The following SKAP1 variants were observed in gnomAD, a reference collection of about 807,000 sequenced individuals.
SKAP1 encodes the protein src kinase associated phosphoprotein 1.
SKAP1 carries 44 observed loss-of-function variants against 58.5 expected under a neutral mutation model. That is an observed-to-expected ratio of 0.75 (90% CI 0.59 to 0.97). The LOEUF is 0.97. Among genes scored for constraint, SKAP1 ranks in the 50% least tolerant of loss-of-function variants. SKAP1 has a pLI of 0.00. For synonymous variants in SKAP1, 127 were observed against 149.7 expected (o/e 0.85, Z 1.11); for missense variants, 390 against 435.2 (o/e 0.90, Z 0.92).
chr17:48,232,026 C>T (rs1170502571), intron 4 of SKAP1: 3 of 152,276 alleles, frequency 2.0e-5, no homozygotes, highest in Non-Finnish European at 1.5e-5. Flanking sequence ...GAACAGATCT[C>T]TCCTTCCTGG....
At chr17:48,137,967 A>T (rs1322949915) in intron 11 of SKAP1, among the ~76,000 whole-genome samples, 1 of 152,208 alleles carries the variant, frequency 6.6e-6, no homozygotes, top group Admixed American at 6.5e-5. Flanking sequence ...CTGAAGTAAA[A>T]ACAACTGAAA....
At chr17:48,234,031 T>C (rs915008181) in intron 4 of SKAP1, among the ~76,000 whole-genome samples, 1 of 152,238 alleles carries the variant, frequency 6.6e-6, no homozygotes. Flanking sequence ...AGTACATGAC[T>C]TCTTACTCAA....
chr17:48,149,944 T>A (rs556080471), intron 11 of SKAP1, among the ~76,000 whole-genome samples: 1 of 152,318 alleles, frequency 6.6e-6, no homozygotes, highest in Non-Finnish European at 1.5e-5. Context: ...TTTTACTACT[T>A]TCACCCTCCT....
chr17:48,369,355 G>T (rs1016601859), intron 2 of SKAP1, among the ~76,000 whole-genome samples: 1 of 151,590 alleles, frequency 6.6e-6, no homozygotes, highest in Admixed American at 6.6e-5. Flanking sequence ...GCTGGGTGTG[G>T]TGGTGTGCAC....
At chr17:48,261,879 G>GA (rs34097342) in intron 4 of SKAP1, among the ~76,000 whole-genome samples, 103,113 of 151,972 alleles carry the variant, frequency 0.68, 35,022 homozygotes, top group South Asian at 0.76. Flanking sequence ...AAGCTCCCCT[G>GA]AGAGAGAAAA....
intron 3 of SKAP1, among the ~76,000 whole-genome samples, chr17:48,356,052 C>T (rs34466582): frequency 0.2 from 30,146 of 151,470 alleles, 3,058 homozygotes; most frequent in Non-Finnish European, 0.22. Context: ...CCCAAAATTT[C>T]GATACCAGCC....
chr17:48,391,339 G>A (rs1156845881), intron 2 of SKAP1, among the ~76,000 whole-genome samples: 3 of 152,104 alleles, frequency 2.0e-5, no homozygotes, highest in Non-Finnish European at 2.9e-5. Flanking sequence ...AAGCTATTTT[G>A]AAAGGACAGA....
chr17:48,221,751 C>T (rs1191982743), intron 4 of SKAP1, among the ~76,000 whole-genome samples: 1 of 152,210 alleles, frequency 6.6e-6, no homozygotes, highest in Non-Finnish European at 1.5e-5. Flanking sequence ...ACAAGGTTGC[C>T]TGCAGTCTCT....
At chr17:48,227,541 A>G (rs185850538) in intron 4 of SKAP1, among the ~76,000 whole-genome samples, 2 of 152,354 alleles carry the variant, frequency 1.3e-5, no homozygotes, top group Admixed American at 6.5e-5. Flanking sequence ...TTGAGCACTA[A>G]CACCTTGTGT....
At chr17:48,414,464 G>A (rs991612340) in intron 1 of SKAP1, among the ~76,000 whole-genome samples, 6 of 152,140 alleles carry the variant, frequency 3.9e-5, no homozygotes, top group African/African-American at 1.4e-4. Flanking sequence ...GAGAAGGGTG[G>A]TGAAAGATTA....
intron 4 of SKAP1, among the ~76,000 whole-genome samples, chr17:48,263,679 T>G (rs17694192): frequency 0.19 from 29,575 of 151,972 alleles, 2,928 homozygotes; most frequent in Admixed American, 0.21. Context: ...TGTCCGTTCT[T>G]GTCTCCAAAA....
chr17:48,403,865 C>A (rs1181640009), intron 1 of SKAP1, among the ~76,000 whole-genome samples: 1 of 150,818 alleles, frequency 6.6e-6, no homozygotes, highest in Non-Finnish European at 1.5e-5. Context: ...GGCGGGCAGA[C>A]CACTTGAGGT....
intron 4 of SKAP1, chr17:48,193,560 G>T (rs2064580025): frequency 3.4e-6 from 1 of 290,944 alleles, no homozygotes. Flanking sequence ...TGTTCTCAAT[G>T]TAGTTGGCTC....
At chr17:48,224,959 T>C (rs1379040650) in intron 4 of SKAP1, among the ~76,000 whole-genome samples, 2 of 152,162 alleles carry the variant, frequency 1.3e-5, no homozygotes, top group African/African-American at 4.8e-5. Context: ...ACTACTGCTT[T>C]TACATAGCCA....
At chr17:48,146,182 C>T (rs930283944) in intron 11 of SKAP1, among the ~76,000 whole-genome samples, 1 of 152,034 alleles carries the variant, frequency 6.6e-6, no homozygotes, top group African/African-American at 2.4e-5. Context: ...CACACAGGCC[C>T]CTGCTTTTAA....
At chr17:48,424,864 G>A (rs1413438756) in intron 1 of SKAP1, among the ~76,000 whole-genome samples, 7 of 151,052 alleles carry the variant, frequency 4.6e-5, no homozygotes, top group Admixed American at 2.6e-4. Flanking sequence ...CCTGGGATGC[G>A]GAGGTTGCAG....
At chr17:48,213,038 A>G (rs1598432630) in intron 4 of SKAP1, among the ~76,000 whole-genome samples, 1 of 152,118 alleles carries the variant, frequency 6.6e-6, no homozygotes, top group Non-Finnish European at 1.5e-5. Context: ...TGGGTGCCTC[A>G]GCAGAATTAA....
At chr17:48,215,589 G>C (rs2064929296) in intron 4 of SKAP1, among the ~76,000 whole-genome samples, 1 of 152,154 alleles carries the variant, frequency 6.6e-6, no homozygotes, top group Admixed American at 6.5e-5. Context: ...TGTGAGATAT[G>C]ACTCTGGACT....
intron 1 of SKAP1, among the ~76,000 whole-genome samples, chr17:48,405,445 CTTTCTTTTCTTTCTTTCT>C (rs1567902202): frequency 3.0e-5 from 2 of 65,774 alleles, no homozygotes; most frequent in East Asian, 9.0e-4. Context: ...TTCTTTCTTT[CTTTCTTTTCTTTCTTTCT>C]TTCCTTCCTT....
Sources: allele counts gnomAD v4.1 joint callset (sites outside exome capture counted in the v4.1 genomes callset), GRCh38; gene constraint gnomAD v4.1.1; transcripts MANE v1.5; gene names NCBI Gene and HGNC (gene_info 2026-07-23, HGNC 2026-07-21).